FAM163A: variants seen among roughly 807,000 people sequenced by gnomAD.
FAM163A encodes the protein family with sequence similarity 163 member A.
FAM163A carries 7 observed loss-of-function variants against 12.0 expected under a neutral mutation model. The ratio of observed to expected loss-of-function variants is 0.58; its 90% confidence interval spans 0.33 to 1.10. The LOEUF (loss-of-function observed/expected upper bound fraction) is 1.10, where lower values mean the gene tolerates loss of function less well. Ranked by LOEUF, FAM163A falls within the 50% of genes least tolerant of loss-of-function variation. The probability of loss-of-function intolerance (pLI) is 0.03; values close to 1 mark genes in which losing one functional copy is unlikely to be tolerated. For synonymous variants in FAM163A, 101 were observed against 91.0 expected (o/e 1.11, Z -0.62); for missense variants, 202 against 218.6 (o/e 0.92, Z 0.48).
At chr1:179,739,872 T>G (rs1453846591), upstream of FAM163A, among the ~76,000 whole-genome samples, 1 of 152,226 alleles carries the variant, frequency 6.6e-6, no homozygotes, top group African/African-American at 2.4e-5. Context: ...ATTATACATG[T>G]ATAAGAATGG....
chr1:179,735,203 A>C, the FAM163A span, among the ~76,000 whole-genome samples: 1 of 152,226 alleles, frequency 6.6e-6, no homozygotes, highest in Non-Finnish European at 1.5e-5. Context: ...TAGATTAAAT[A>C]ATTCAGACCC....
At chr1:179,784,545 T>G (rs1444844148) in intron 1 of FAM163A, among the ~76,000 whole-genome samples, 1 of 152,184 alleles carries the variant, frequency 6.6e-6, no homozygotes, top group Non-Finnish European at 1.5e-5. Context: ...CCTTCAATAG[T>G]CCCTTCCTGC....
chr1:179,745,433 GCCTGGCCCCAGCAC>G, intron 1 of FAM163A, among the ~76,000 whole-genome samples: 1 of 152,296 alleles, frequency 6.6e-6, no homozygotes, highest in Admixed American at 6.5e-5. Flanking sequence ...TAACAGGGGA[GCCTGGCCCCAGCAC>G]AGTCCAGTCC....
the FAM163A span, among the ~76,000 whole-genome samples, chr1:179,735,048 C>T: frequency 8.5e-5 from 13 of 152,062 alleles, no homozygotes; most frequent in African/African-American, 2.7e-4. Context: ...CTAGAATGCA[C>T]CTGACAAAGG....
At chr1:179,773,135 T>C (rs1688493026) in intron 1 of FAM163A, among the ~76,000 whole-genome samples, 1 of 151,682 alleles carries the variant, frequency 6.6e-6, no homozygotes, top group African/African-American at 2.4e-5. Context: ...CACTGTATGA[T>C]CCAATTTATA....
intron 1 of FAM163A, among the ~76,000 whole-genome samples, chr1:179,780,815 C>T (rs1036593298): frequency 2.6e-5 from 4 of 152,214 alleles, no homozygotes; most frequent in Non-Finnish European, 5.9e-5. Context: ...ATTGGCTAAA[C>T]TTCTAATGCT....
At chr1:179,776,894 A>G (rs548261080) in intron 1 of FAM163A, among the ~76,000 whole-genome samples, 74 of 152,278 alleles carry the variant, frequency 4.9e-4, no homozygotes, top group Non-Finnish European at 5.4e-4. Context: ...ATATTTACCT[A>G]TTAAGCAGTT....
intron 1 of FAM163A, among the ~76,000 whole-genome samples, chr1:179,753,073 A>T (rs1044280187): frequency 1.6e-4 from 24 of 152,240 alleles, no homozygotes; most frequent in Admixed American, 2.0e-4. Flanking sequence ...CCACATTTTT[A>T]AAAAATCCAT....
chr1:179,749,897 G>A (rs1007357956), intron 1 of FAM163A, among the ~76,000 whole-genome samples: 6 of 152,180 alleles, frequency 3.9e-5, no homozygotes, highest in Non-Finnish European at 7.3e-5. Flanking sequence ...ACAATTTTGA[G>A]TTAAATCGAA....
intron 1 of FAM163A, among the ~76,000 whole-genome samples, chr1:179,772,849 G>T (rs533333227): frequency 6.6e-6 from 1 of 151,292 alleles, no homozygotes; most frequent in East Asian, 1.9e-4. Context: ...TTACCTCTTG[G>T]CTCTAGATGG....
At chr1:179,811,390 CA>C (rs1186873675) in intron 2 of FAM163A, among the ~76,000 whole-genome samples, 1 of 152,078 alleles carries the variant, frequency 6.6e-6, no homozygotes, top group Non-Finnish European at 1.5e-5. Context: ...CTGGGGTAGC[CA>C]AAGAAGAATT....
the FAM163A span, among the ~76,000 whole-genome samples, chr1:179,734,923 G>A: frequency 5.9e-5 from 9 of 152,258 alleles, no homozygotes; most frequent in Admixed American, 5.2e-4. Flanking sequence ...GGGAGACTAG[G>A]TTGACATTTG....
At chr1:179,808,902 T>G (rs536260646) in intron 2 of FAM163A, among the ~76,000 whole-genome samples, 110 of 152,198 alleles carry the variant, frequency 7.2e-4, no homozygotes, top group Non-Finnish European at 3.5e-4. Context: ...CCTGAAATCA[T>G]AGAGAGCCAC....
chr1:179,795,689 C>G (rs1200741359), intron 1 of FAM163A, among the ~76,000 whole-genome samples: 1 of 152,220 alleles, frequency 6.6e-6, no homozygotes, highest in Non-Finnish European at 1.5e-5. Context: ...GTCCCAGCAA[C>G]AGTGCTAGTG....
intron 1 of FAM163A, among the ~76,000 whole-genome samples, chr1:179,796,693 G>C (rs12128439): frequency 0.16 from 25,075 of 152,106 alleles, 2,438 homozygotes; most frequent in Non-Finnish European, 0.22. Flanking sequence ...AAACAGCATG[G>C]TACCTCCCAA....
chr1:179,764,814 C>T (rs1286009546), intron 1 of FAM163A, among the ~76,000 whole-genome samples: 2 of 152,202 alleles, frequency 1.3e-5, no homozygotes, highest in Non-Finnish European at 2.9e-5. Flanking sequence ...CTTGACCTCT[C>T]TGTGCCTCAG....
At chr1:179,784,337 G>A (rs1468630913) in intron 1 of FAM163A, among the ~76,000 whole-genome samples, 6 of 152,220 alleles carry the variant, frequency 3.9e-5, no homozygotes, top group Admixed American at 3.3e-4. Context: ...GCCACGCTGT[G>A]TAAGTTCACA....
chr1:179,781,722 TCAGGAGTTCAAGAC>T (rs1689763827), intron 1 of FAM163A, among the ~76,000 whole-genome samples: 1 of 151,968 alleles, frequency 6.6e-6, no homozygotes, highest in African/African-American at 2.4e-5. Context: ...GATCACTAGT[TCAGGAGTTCAAGAC>T]CAGCCTGGCC....
At chr1:179,774,583 G>A (rs938382305) in intron 1 of FAM163A, among the ~76,000 whole-genome samples, 6 of 152,212 alleles carry the variant, frequency 3.9e-5, no homozygotes, top group Non-Finnish European at 7.3e-5. Flanking sequence ...AGTGCTGAGG[G>A]AGTTGAAGGT....
Sources: allele counts gnomAD v4.1 joint callset (sites outside exome capture counted in the v4.1 genomes callset), GRCh38; gene constraint gnomAD v4.1.1; transcripts MANE v1.5; gene names NCBI Gene and HGNC (gene_info 2026-07-23, HGNC 2026-07-21).